Variants in PPP6R3 observed in about 807,000 individuals in gnomAD.
PPP6R3 encodes serine/threonine-protein phosphatase 6 regulatory subunit 3.
PPP6R3 carries 38 observed loss-of-function variants against 110.7 expected under a neutral mutation model. The ratio of observed to expected loss-of-function variants is 0.34; its 90% confidence interval spans 0.26 to 0.45. The LOEUF is 0.45. PPP6R3 is among the 20% of genes least tolerant of loss of function. PPP6R3 has a pLI of 1.00. For synonymous variants in PPP6R3, 369 were observed against 373.5 expected (o/e 0.99, Z 0.14); for missense variants, 870 against 1,062.4 (o/e 0.82, Z 2.52).
chr11:68,609,462 C>A, intron 22 of PPP6R3: 2 of 908,240 alleles, frequency 2.2e-6, no homozygotes, highest in Non-Finnish European at 3.6e-6. Flanking sequence ...AAGACTCATT[C>A]CTTCAAACAG....
intron 2 of PPP6R3, among the ~76,000 whole-genome samples, chr11:68,524,957 C>A (rs1417980446): frequency 6.6e-6 from 1 of 152,188 alleles, no homozygotes; most frequent in African/African-American, 2.4e-5. Context: ...GTCCTGAGAG[C>A]CATTGGATTG....
At chr11:68,539,122 A>G (rs1399027619) in intron 3 of PPP6R3, among the ~76,000 whole-genome samples, 2 of 152,206 alleles carry the variant, frequency 1.3e-5, no homozygotes, top group African/African-American at 2.4e-5. Context: ...TTCCCTTCAC[A>G]GTGAACTAGC....
chr11:68,478,647 G>GT lies in PPP6R3; in HGVS notation c.-158+17845dup, dbSNP rs769296530. ...ACTGATGAGTTAGTGCACTTGGTAA[G>GT]TTTTTTTTTTTTTTTTTTTTTTTTT... On this transcript the variant is annotated intron_variant, in intron 1 of 23. Transcript: ENST00000393800. Among the ~76,000 whole-genome samples the GT allele has an allele frequency of 6.5e-3, 330 of 50,474 alleles. 96 individuals are homozygous for GT. Among genetic ancestry groups the GT allele is most frequent in the African/African-American group, 0.024 (250 of 10,246 alleles). 33.1% of individuals were successfully genotyped at this position (50,474 alleles called of 152,430 possible). A position where few individuals can be genotyped will look rare whatever the true frequency, so the allele number is the denominator to read the frequency against.
chr11:68,464,060 C>G (rs918851868), intron 1 of PPP6R3, among the ~76,000 whole-genome samples: 1 of 152,174 alleles, frequency 6.6e-6, no homozygotes, highest in African/African-American at 2.4e-5. Context: ...TAGAATAAGC[C>G]TGCATTAGAA....
rs549766084 is a variant in PPP6R3, at chr11:68,495,405, A to G, written c.-157-24096A>G. On this transcript the variant is annotated intron_variant, in intron 1 of 23. Transcript: ENST00000393800. ...CAAGTTAATGTTTTTTAGTATATTC[A>G]TGGAGTTGTACAACTGTCATCACAA... Among the ~76,000 whole-genome samples, 25 of 152,316 alleles carry G rather than the reference A, an allele frequency of 1.6e-4. No individual in the cohort carries two copies. In the Middle Eastern group the frequency reaches 0.01, roughly 62 times the overall value.
chr11:68,610,055 C>A (rs1384750815), intron 23 of PPP6R3, 32 bp downstream of exon 23: 1 of 1,608,606 alleles, frequency 6.2e-7, no homozygotes, highest in South Asian at 1.1e-5. Flanking sequence ...CCCACCCAGG[C>A]CCTGCCCTGA....
intron 10 of PPP6R3, among the ~76,000 whole-genome samples, chr11:68,568,797 T>G (rs1354480411): frequency 6.7e-6 from 1 of 150,176 alleles, no homozygotes; most frequent in Non-Finnish European, 1.5e-5. Flanking sequence ...TGAGATGGAG[T>G]CTGGCTCAGT....
intron 1 of PPP6R3, among the ~76,000 whole-genome samples, chr11:68,483,393 C>T (rs2098927855): frequency 6.6e-6 from 1 of 152,186 alleles, no homozygotes; most frequent in Non-Finnish European, 1.5e-5. Context: ...ACTCCTGTCC[C>T]CACACTTCTG....
At chr11:68,462,835 A>AG (rs2098717991) in intron 1 of PPP6R3, among the ~76,000 whole-genome samples, 1 of 151,958 alleles carries the variant, frequency 6.6e-6, no homozygotes, top group Non-Finnish European at 1.5e-5. Context: ...GCTGTATTGG[A>AG]GATGTGTGTT....
chr11:68,491,436 C>T (rs866377690), intron 1 of PPP6R3, among the ~76,000 whole-genome samples: 1 of 150,868 alleles, frequency 6.6e-6, no homozygotes, highest in African/African-American at 2.4e-5. Flanking sequence ...CAATCATCTT[C>T]TAGGTGCAAG....
At chr11:68,577,244 C>T (rs1209036517) in intron 14 of PPP6R3, among the ~76,000 whole-genome samples, 2 of 152,234 alleles carry the variant, frequency 1.3e-5, no homozygotes, top group East Asian at 3.9e-4. Flanking sequence ...GAATATTTTA[C>T]CCATTGTAGA....
rs1474716871 is a variant in PPP6R3 at position 68,615,256 on chromosome 11, A to G, written c.*2139A>G. On this transcript the variant is annotated 3_prime_UTR_variant, in exon 24 of 24. Coordinates refer to ENST00000393800, the MANE Select transcript of PPP6R3 (RefSeq NM_001164161.2). The stretch of plus-strand genomic sequence containing the variant: ...TTCTGTGTGTTGGCCATACTGAATT[A>G]TGAGACTAACAGATGTCTACAATAC... 4 of 367,602 alleles carry G rather than the reference A, an allele frequency of 1.1e-5. No individual in the cohort carries two copies. The highest frequency in any genetic ancestry group is 2.1e-5 in the African/African-American group (1 of 47,134). 22.8% of individuals were successfully genotyped at this position (367,602 alleles called of 1,614,324 possible).
At chr11:68,573,641 A>C (rs1449470887) in intron 12 of PPP6R3, among the ~76,000 whole-genome samples, 1 of 152,222 alleles carries the variant, frequency 6.6e-6, no homozygotes, top group Non-Finnish European at 1.5e-5. Flanking sequence ...GTAGATAATT[A>C]TTTCTATTCA....
chr11:68,469,504 G>C (rs1429542297), intron 1 of PPP6R3, among the ~76,000 whole-genome samples: 2 of 151,818 alleles, frequency 1.3e-5, no homozygotes, highest in Non-Finnish European at 2.9e-5. Flanking sequence ...CTCCCGAGTA[G>C]CTGGGACTGT....
At chr11:68,503,668 G>A (rs2099060125) in intron 1 of PPP6R3, among the ~76,000 whole-genome samples, 1 of 152,254 alleles carries the variant, frequency 6.6e-6, no homozygotes, top group African/African-American at 2.4e-5. Flanking sequence ...TCTGGAGGTT[G>A]TCAGTGACCT....
chr11:68,528,438 G>T (rs563742602), intron 2 of PPP6R3, among the ~76,000 whole-genome samples: 5 of 145,954 alleles, frequency 3.4e-5, no homozygotes, highest in African/African-American at 1.0e-4. Flanking sequence ...GTGTGTGGGG[G>T]GGGGGGCTGC....
intron 1 of PPP6R3, among the ~76,000 whole-genome samples, chr11:68,483,336 AG>A (rs1314269018): frequency 6.6e-6 from 1 of 152,222 alleles, no homozygotes; most frequent in Non-Finnish European, 1.5e-5. Flanking sequence ...TTTTTAAAAA[AG>A]TTCCCAGCAA....
chr11:68,614,782 C>T lies in PPP6R3; in HGVS notation c.*1665C>T, dbSNP rs1944909824. 1.3e-6 allele frequency: 2 copies of T among 1,536,084 alleles called. No individual in the cohort carries two copies. The highest frequency in any genetic ancestry group is 2.0e-5 in the Admixed American group (1 of 50,842). On this transcript the variant is annotated 3_prime_UTR_variant, in exon 24 of 24. Coordinates refer to ENST00000393800, the MANE Select transcript of PPP6R3 (RefSeq NM_001164161.2). ...CTCTGAAGAGACTGTCCTTGGGCCT[C>T]CTCTGGAAGCAGCACCCCCAGAGGA...
chr11:68,520,132 CT>C (rs1422812172), intron 2 of PPP6R3, among the ~76,000 whole-genome samples: 2 of 152,212 alleles, frequency 1.3e-5, no homozygotes, highest in Non-Finnish European at 2.9e-5. Flanking sequence ...GCATATTTGA[CT>C]TTTGGCTCAG....
Sources: allele counts gnomAD v4.1 joint callset (sites outside exome capture counted in the v4.1 genomes callset), GRCh38; gene constraint gnomAD v4.1.1; transcripts MANE v1.5; gene names NCBI Gene and HGNC (gene_info 2026-07-23, HGNC 2026-07-21).